Variants in EBF1 observed in about 807,000 individuals in gnomAD.
EBF1 encodes transcription factor COE1.
In EBF1, 10 loss-of-function variants were observed where a neutral mutation model predicts 68.4. That is an observed-to-expected ratio of 0.15 (90% CI 0.09 to 0.25). The LOEUF is 0.25. EBF1 is among the 10% of genes least tolerant of loss of function. EBF1 has a pLI of 1.00. For synonymous variants in EBF1, 298 were observed against 299.8 expected, an observed-to-expected ratio of 0.99 and a Z score of 0.06; for missense variants, 509 against 794.4, an observed-to-expected ratio of 0.64 and a Z score of 4.32.
In EBF1 at chr5:158,979,705, T is replaced by C. The variant is rs1757518810; in HGVS notation, c.554+93691A>G. ...AAAAAAAAAAAGCAGACAAGGATACTGGGAAATTCAACTTTTTTTTTCTTT... is the reference window on the plus strand; with the variant it reads ...AAAAAAAAAAAGCAGACAAGGATACCGGGAAATTCAACTTTTTTTTTCTTT... On this transcript the variant is annotated intron_variant, in intron 6 of 15. Transcript: ENST00000313708. 2.0e-5 allele frequency among the ~76,000 whole-genome samples: 3 copies of C among 152,068 alleles called. No homozygotes were observed. The South Asian group carries it at 6.2e-4, about 32-fold the overall frequency.
At chr5:158,704,719 T>C (rs1757497320) in intron 15 of EBF1, among the ~76,000 whole-genome samples, 1 of 152,020 alleles carries the variant, frequency 6.6e-6, no homozygotes, top group African/African-American at 2.4e-5. Context: ...CTTTTGTGGC[T>C]CAAGCAAGAG....
At chr5:158,892,812 C>T (rs79248632) in intron 6 of EBF1, among the ~76,000 whole-genome samples, 8,226 of 152,134 alleles carry the variant, frequency 0.054, 291 homozygotes, top group Non-Finnish European at 0.071. Flanking sequence ...AGAAGTGGTG[C>T]ACTCAATTTC....
intron 6 of EBF1, among the ~76,000 whole-genome samples, chr5:158,930,779 A>T (rs986565393): frequency 6.6e-6 from 1 of 152,206 alleles, no homozygotes; most frequent in African/African-American, 2.4e-5. Flanking sequence ...TGAGCAAAGT[A>T]ATTTATCCCA....
At chr5:159,066,122 T>C (rs1776748964) in intron 6 of EBF1, among the ~76,000 whole-genome samples, 2 of 152,190 alleles carry the variant, frequency 1.3e-5, no homozygotes, top group Non-Finnish European at 1.5e-5. Flanking sequence ...TGAAATAATC[T>C]TATTGAGAGG....
At chr5:159,042,271 G>A (rs1339094182) in intron 6 of EBF1, among the ~76,000 whole-genome samples, 12 of 152,268 alleles carry the variant, frequency 7.9e-5, no homozygotes, top group South Asian at 4.2e-4. Flanking sequence ...GAATGAGGAC[G>A]TGGCAAACCT....
At chr5:158,717,173 A>G (rs1016875885) in intron 11 of EBF1, among the ~76,000 whole-genome samples, 22 of 152,362 alleles carry the variant, frequency 1.4e-4, no homozygotes, top group Admixed American at 1.4e-3. Context: ...GACAGGTAGT[A>G]TAAAAGATGT....
In EBF1 at chr5:158,801,680, AAAAG is replaced by A. The variant is rs976869915; in HGVS notation, c.779-5209_779-5206del. 1.2e-4 allele frequency among the ~76,000 whole-genome samples: 18 copies of A among 151,918 alleles called. No homozygotes were observed. The East Asian group carries it at 1.4e-3, about 11-fold the overall frequency. On this transcript the variant is annotated intron_variant, in intron 8 of 15. Transcript: ENST00000313708. ...AGAGGGAAGAATTAAAAAAAAAAAAAAAAGAAAGAAAGAAATCGTTCAGCTCCAG... is the reference window on the plus strand; with the variant it reads ...AGAGGGAAGAATTAAAAAAAAAAAAAAAAGAAAGAAATCGTTCAGCTCCAG...
At chr5:158,764,286 GA>G (rs1418527190) in intron 10 of EBF1, among the ~76,000 whole-genome samples, 1 of 152,180 alleles carries the variant, frequency 6.6e-6, no homozygotes, top group Non-Finnish European at 1.5e-5. Flanking sequence ...ATAGGTGGAA[GA>G]AAAGGAATCT....
intron 6 of EBF1, among the ~76,000 whole-genome samples, chr5:158,856,710 C>A (rs192270786): frequency 6.6e-6 from 1 of 152,216 alleles, no homozygotes; most frequent in African/African-American, 2.4e-5. Flanking sequence ...TGTCCCAGGG[C>A]ACCAGGTAAG....
At position 159,097,120 on chromosome 5, in the gene EBF1, G is replaced by T; in HGVS notation, c.145C>A (p.Leu49Met). ...ANTAAQSGVG[L>M]ARAHFEKQPP... ...TGCTTCTCAAAGTGAGCCCGGGCCA[G>T]ACCCACCCCGCTGCGGCCAAAGACG... The change falls in exon 2 of 16, where the codon CTG becomes ATG. Residue 49 changes from leucine to methionine, a missense_variant. Physicochemically the swap from Leu to Met is conservative, Grantham distance 15. Around this residue, in one of 3 missense-constraint regions of EBF1, gnomAD observed 74 missense variants for 79.4 expected, o/e 0.93. Coordinates refer to ENST00000313708, the MANE Select transcript of EBF1 (RefSeq NM_024007.5). 1 of 1,613,750 alleles carries T rather than the reference G, an allele frequency of 6.2e-7. No homozygotes were observed.
chr5:159,064,006 C>T (rs1054880058), intron 6 of EBF1, among the ~76,000 whole-genome samples: 1 of 151,998 alleles, frequency 6.6e-6, no homozygotes, highest in Non-Finnish European at 1.5e-5. Flanking sequence ...CCTTTGCCAT[C>T]ATACTGTGCC....
intron 6 of EBF1, among the ~76,000 whole-genome samples, chr5:158,886,122 C>T (rs778391853): frequency 1.3e-5 from 2 of 152,330 alleles, no homozygotes; most frequent in East Asian, 1.9e-4. Context: ...CAATTCCTAC[C>T]TTCCAGATTA....
At chr5:159,000,082 A>G (rs1222143235) in intron 6 of EBF1, among the ~76,000 whole-genome samples, 5 of 152,220 alleles carry the variant, frequency 3.3e-5, no homozygotes, top group African/African-American at 7.2e-5. Context: ...GCAATGATAG[A>G]TGAAGCAATT....
intron 10 of EBF1, among the ~76,000 whole-genome samples, chr5:158,764,819 T>C (rs749249323): frequency 6.6e-6 from 1 of 152,136 alleles, no homozygotes; most frequent in Non-Finnish European, 1.5e-5. Flanking sequence ...AAAGGTATAA[T>C]CAACTAGTTG....
At chr5:159,027,220 T>C (rs745343907) in intron 6 of EBF1, among the ~76,000 whole-genome samples, 1 of 152,222 alleles carries the variant, frequency 6.6e-6, no homozygotes, top group African/African-American at 2.4e-5. Flanking sequence ...ACATGGACAT[T>C]GTGCTAGTTC....
chr5:158,766,980 T>C (rs1315098099), intron 10 of EBF1, among the ~76,000 whole-genome samples: 1 of 152,190 alleles, frequency 6.6e-6, no homozygotes, highest in Non-Finnish European at 1.5e-5. Flanking sequence ...AGTCTTGCAT[T>C]ACATTGGCAA....
chr5:158,822,292 GGATGGATGGATGGATGGATGGATA>G (rs1399542710), intron 8 of EBF1, among the ~76,000 whole-genome samples: 2 of 151,702 alleles, frequency 1.3e-5, no homozygotes, highest in East Asian at 1.9e-4. Context: ...ATGGATGGAT[GGATGGATGGATGGATGGATGGATA>G]GATGGATAGA....
intron 6 of EBF1, among the ~76,000 whole-genome samples, chr5:158,850,894 C>G (rs1042180953): frequency 6.6e-6 from 1 of 151,964 alleles, no homozygotes; most frequent in Non-Finnish European, 1.5e-5. Flanking sequence ...GAAATCCCAG[C>G]TATTCTGGAG....
chr5:158,786,668 TCCCTACTCAGGCCTGGCTC>T (rs1383103686), intron 9 of EBF1, among the ~76,000 whole-genome samples: 6 of 152,166 alleles, frequency 3.9e-5, no homozygotes, highest in Non-Finnish European at 7.3e-5. Context: ...GGAACATCAT[TCCCTACTCAGGCCTGGCTC>T]AGTGTCCTAT....
Sources: allele counts gnomAD v4.1 joint callset (sites outside exome capture counted in the v4.1 genomes callset), GRCh38; gene constraint gnomAD v4.1.1; regional missense constraint gnomAD v4.1.1; transcripts MANE v1.5; gene names NCBI Gene and HGNC (gene_info 2026-07-23, HGNC 2026-07-21).